Variants in SH3PXD2A observed in about 807,000 individuals in gnomAD.
SH3PXD2A encodes the protein SH3 and PX domains 2A, also known as SH3 and PX domain-containing protein 2A.
SH3PXD2A carries 32 observed loss-of-function variants against 115.2 expected under a neutral mutation model. That is an observed-to-expected ratio of 0.28 (90% CI 0.21 to 0.37). SH3PXD2A has a LOEUF of 0.37. Among genes scored for constraint, SH3PXD2A ranks in the 10% least tolerant of loss-of-function variants. The probability of loss-of-function intolerance (pLI) is 1.00; values close to 1 mark genes in which losing one functional copy is unlikely to be tolerated. For synonymous variants in SH3PXD2A, 610 were observed against 629.1 expected (o/e 0.97, Z 0.45); for missense variants, 1,328 against 1,498.7 (o/e 0.89, Z 1.88).
chr10:103,628,709 CCACAACCTTCTCTTATGA>C (rs1719160188), intron 8 of SH3PXD2A, among the ~76,000 whole-genome samples: 1 of 152,114 alleles, frequency 6.6e-6, no homozygotes, highest in Non-Finnish European at 1.5e-5. Flanking sequence ...ACCCTGGAGA[CCACAACCTTCTCTTATGA>C]CACAACCCAT....
At chr10:103,679,257 C>A (rs2037579597) in intron 6 of SH3PXD2A, among the ~76,000 whole-genome samples, 2 of 152,232 alleles carry the variant, frequency 1.3e-5, no homozygotes, top group South Asian at 2.1e-4. Context: ...GGACAAGGAC[C>A]TCATTGTCTC....
At chr10:103,824,118 C>A (rs375700511) in intron 1 of SH3PXD2A, among the ~76,000 whole-genome samples, 44 of 152,272 alleles carry the variant, frequency 2.9e-4, no homozygotes, top group East Asian at 2.5e-3. Flanking sequence ...CCCTGGGAAA[C>A]CCCTCATCCA....
chr10:103,807,123 C>A (rs1288327902), intron 1 of SH3PXD2A, among the ~76,000 whole-genome samples: 1 of 152,214 alleles, frequency 6.6e-6, no homozygotes, highest in Non-Finnish European at 1.5e-5. Context: ...ACCAGACTTA[C>A]AGCGCAGCTC....
rs1022197720 is a variant in SH3PXD2A at position 103,620,142 on chromosome 10, G to T, written c.802+2328C>A. ...CTCAGCGGGCAGCTGCATGATTCAGGGTGGTCAGGGTCTTGGGAAGAGATG... is the reference window on the plus strand; with the variant it reads ...CTCAGCGGGCAGCTGCATGATTCAGTGTGGTCAGGGTCTTGGGAAGAGATG... On this transcript the variant is annotated intron_variant, in intron 10 of 14. Coordinates refer to ENST00000369774, the MANE Select transcript of SH3PXD2A (RefSeq NM_001394015.1). This position sits in a 1 kb window ranked among gnomAD's most constrained non-coding sequence, Gnocchi z 5.3. 2.6e-5 allele frequency among the ~76,000 whole-genome samples: 4 copies of T among 152,294 alleles called. No homozygotes were observed. The highest frequency in any genetic ancestry group is 9.6e-5 in the African/African-American group (4 of 41,558).
chr10:103,684,646 C>T (rs936578134), intron 6 of SH3PXD2A, among the ~76,000 whole-genome samples: 3 of 152,084 alleles, frequency 2.0e-5, no homozygotes, highest in Non-Finnish European at 2.9e-5. Flanking sequence ...CCACCACGCC[C>T]GGCCATAGAC....
intron 1 of SH3PXD2A, among the ~76,000 whole-genome samples, chr10:103,805,376 C>A (rs893103328): frequency 6.6e-6 from 1 of 152,218 alleles, no homozygotes; most frequent in East Asian, 1.9e-4. Flanking sequence ...CCCAGCCCAG[C>A]CGCTCAGGCC....
At chr10:103,652,056 C>G (rs1255681376) in intron 8 of SH3PXD2A, among the ~76,000 whole-genome samples, 2 of 152,206 alleles carry the variant, frequency 1.3e-5, no homozygotes, top group Non-Finnish European at 2.9e-5. Context: ...TGCTCATTTC[C>G]CATGGTGCTC....
chr10:103,845,074 A>G (rs972758239), intron 1 of SH3PXD2A, among the ~76,000 whole-genome samples: 7 of 152,256 alleles, frequency 4.6e-5, no homozygotes, highest in African/African-American at 1.4e-4. Flanking sequence ...CTGTAATCCC[A>G]GAACTTTGGG....
intron 4 of SH3PXD2A, among the ~76,000 whole-genome samples, chr10:103,728,896 TG>T (rs201031699): frequency 0.011 from 1,342 of 118,784 alleles, 8 homozygotes; most frequent in African/African-American, 0.012. Context: ...TTTGTTTGTT[TG>T]TTTTTTTTTT....
intron 1 of SH3PXD2A, among the ~76,000 whole-genome samples, chr10:103,842,660 C>T (rs1271167589): frequency 2.0e-5 from 3 of 152,216 alleles, no homozygotes; most frequent in Middle Eastern, 6.8e-3. Flanking sequence ...TCCGTCTTTC[C>T]GCACCTGGCT....
intron 1 of SH3PXD2A, among the ~76,000 whole-genome samples, chr10:103,831,251 T>C (rs1237637667): frequency 1.3e-5 from 2 of 152,248 alleles, no homozygotes. Flanking sequence ...TTACAGATCT[T>C]ATTCATATTA....
chr10:103,790,782 A>G (rs1312976330), intron 2 of SH3PXD2A, among the ~76,000 whole-genome samples: 1 of 152,222 alleles, frequency 6.6e-6, no homozygotes, highest in East Asian at 1.9e-4. Flanking sequence ...GGAGAATGCC[A>G]TGATCAATTA....
At chr10:103,825,652 G>GAGAC (rs1564898512) in intron 1 of SH3PXD2A, among the ~76,000 whole-genome samples, 1 of 152,096 alleles carries the variant, frequency 6.6e-6, no homozygotes, top group Non-Finnish European at 1.5e-5. Flanking sequence ...ATAGAGTCCT[G>GAGAC]TGGCATGCCC....
intron 1 of SH3PXD2A, among the ~76,000 whole-genome samples, chr10:103,834,937 A>G (rs1299558383): frequency 6.6e-6 from 1 of 152,222 alleles, no homozygotes; most frequent in Non-Finnish European, 1.5e-5. Context: ...GTAGGTTCAC[A>G]CTTATCTTAA....
At chr10:103,667,855 A>G (rs1026064941) in intron 7 of SH3PXD2A, among the ~76,000 whole-genome samples, 1 of 152,202 alleles carries the variant, frequency 6.6e-6, no homozygotes, top group Non-Finnish European at 1.5e-5. Context: ...TCCATCCAGG[A>G]GCTGAGAACC....
At chr10:103,615,560 GAAATGAGGATCAAC>G (rs1470335332) in intron 11 of SH3PXD2A, among the ~76,000 whole-genome samples, 1 of 144,738 alleles carries the variant, frequency 6.9e-6, no homozygotes, top group East Asian at 2.0e-4. Flanking sequence ...AGAAAGACAG[GAAATGAGGATCAAC>G]GTAGAGCCTG....
intron 5 of SH3PXD2A, among the ~76,000 whole-genome samples, chr10:103,716,283 AC>A (rs1362227892): frequency 6.6e-6 from 1 of 152,138 alleles, no homozygotes; most frequent in Non-Finnish European, 1.5e-5. Context: ...GGAGGCAGGG[AC>A]ACTGGGGGTG....
chr10:103,630,263 G>C (rs10883890), intron 8 of SH3PXD2A, among the ~76,000 whole-genome samples: 70,537 of 151,984 alleles, frequency 0.46, 17,034 homozygotes, highest in South Asian at 0.73. Flanking sequence ...TTGAGCTTCT[G>C]GGGGAGTACT....
chr10:103,821,861 C>G lies in SH3PXD2A; in HGVS notation c.73-20499G>C, dbSNP rs575136873. On this transcript the variant is annotated intron_variant, in intron 1 of 14. Transcript: ENST00000369774. ...GGATTACAGGCATAAGCCACTCCAC[C>G]TGGCCCTGTTGTTATTATTTTATTC... 5.9e-5 allele frequency among the ~76,000 whole-genome samples: 9 copies of G among 152,068 alleles called. No homozygotes were observed. In the South Asian group the frequency reaches 1.9e-3, roughly 32 times the overall value.
Sources: allele counts gnomAD v4.1 joint callset (sites outside exome capture counted in the v4.1 genomes callset), GRCh38; gene constraint gnomAD v4.1.1; non-coding constraint Gnocchi (gnomAD v3.1); transcripts MANE v1.5; gene names NCBI Gene and HGNC (gene_info 2026-07-23, HGNC 2026-07-21).